PRKG1: variants seen among roughly 807,000 people sequenced by gnomAD.
PRKG1 encodes the protein protein kinase cGMP-dependent 1.
PRKG1 carries 35 observed loss-of-function variants against 88.1 expected under a neutral mutation model. The ratio of observed to expected loss-of-function variants is 0.40; its 90% CI spans 0.30 to 0.53. PRKG1 has a LOEUF of 0.53. PRKG1 is among the 20% of genes least tolerant of loss of function. PRKG1 has a pLI of 0.59. For synonymous variants in PRKG1, 303 were observed against 292.5 expected (o/e 1.04, Z -0.37); for missense variants, 540 against 839.8 (o/e 0.64, Z 4.41).
At chr10:51,068,223 A>G (rs566794491) in intron 1 of PRKG1, among the ~76,000 whole-genome samples, 1 of 152,158 alleles carries the variant, frequency 6.6e-6, no homozygotes, top group Admixed American at 6.5e-5. Flanking sequence ...AAAAGTCACA[A>G]TTTGAAGATT....
intron 3 of PRKG1, among the ~76,000 whole-genome samples, chr10:51,693,543 T>C (rs941822787): frequency 5.9e-5 from 9 of 151,802 alleles, no homozygotes; most frequent in Admixed American, 3.3e-4. Flanking sequence ...CTGGGATTAC[T>C]GGGGCCTGCC....
chr10:51,666,590 A>G (rs1840428041), intron 3 of PRKG1, among the ~76,000 whole-genome samples: 2 of 152,170 alleles, frequency 1.3e-5, no homozygotes, highest in Non-Finnish European at 2.9e-5. Flanking sequence ...CATAAATGCT[A>G]CTTACCCTTG....
chr10:51,965,435 C>G (rs867409821), intron 5 of PRKG1, among the ~76,000 whole-genome samples: 3 of 152,130 alleles, frequency 2.0e-5, no homozygotes, highest in African/African-American at 4.8e-5. Flanking sequence ...ATGGAAAGCT[C>G]AAATTGTATG....
Position 51,684,034 on chromosome 10 carries a change from A to G in PRKG1, c.593-120551A>G, listed in dbSNP as rs376361131. On this transcript the variant is annotated intron_variant, in intron 3 of 17. Transcript: ENST00000373980. Reference sequence around the variant, plus strand: ...ATGTAGCAATTCTACTCCTAGGTATATACCCAAGAGAAATGAAAACATATG... The same window carrying G: ...ATGTAGCAATTCTACTCCTAGGTATGTACCCAAGAGAAATGAAAACATATG... Among the ~76,000 whole-genome samples the G allele has an allele frequency of 4.8e-4, 73 of 152,334 alleles. No homozygotes were observed. In the East Asian group the frequency reaches 8.7e-3, roughly 18 times the overall value.
chr10:51,712,279 G>A (rs779191323), intron 3 of PRKG1, among the ~76,000 whole-genome samples: 1 of 152,122 alleles, frequency 6.6e-6, no homozygotes, highest in Non-Finnish European at 1.5e-5. Flanking sequence ...CTCTTACATG[G>A]TCTTATGACT....
At position 51,651,775 on chromosome 10, in the gene PRKG1, G is replaced by C. The variant is rs147955560; in HGVS notation, c.593-152810G>C. Among the ~76,000 whole-genome samples the C allele has an allele frequency of 1.3e-3, 196 of 151,918 alleles. 2 individuals are homozygous for C. In the East Asian group the frequency reaches 0.027, roughly 21 times the overall value. On this transcript the variant is annotated intron_variant, in intron 3 of 17. Coordinates refer to ENST00000373980, the MANE Select transcript of PRKG1 (RefSeq NM_006258.4). ...ATTTTTGTGTTTTTAGTAAAGACAG[G>C]GTTTCACCATGTTGGCCGGAATTGT...
intron 8 of PRKG1, among the ~76,000 whole-genome samples, chr10:52,153,727 T>C (rs1046020117): frequency 3.3e-5 from 5 of 152,126 alleles, no homozygotes; most frequent in Non-Finnish European, 7.4e-5. Context: ...TGCAAAAATT[T>C]ATTTTTATTT....
At chr10:51,811,491 G>A (rs1839454766) in intron 4 of PRKG1, among the ~76,000 whole-genome samples, 1 of 151,998 alleles carries the variant, frequency 6.6e-6, no homozygotes, top group African/African-American at 2.4e-5. Context: ...AGAGTTTGTT[G>A]AGTAGAATAT....
intron 1 of PRKG1, among the ~76,000 whole-genome samples, chr10:51,030,445 T>G (rs895749151): frequency 1.3e-5 from 2 of 152,188 alleles, no homozygotes; most frequent in African/African-American, 4.8e-5. Context: ...ACTACTTGTC[T>G]GTTAGAATTT....
intron 3 of PRKG1, among the ~76,000 whole-genome samples, chr10:51,562,124 T>C (rs1336504011): frequency 6.6e-6 from 1 of 151,660 alleles, no homozygotes; most frequent in Non-Finnish European, 1.5e-5. Flanking sequence ...CTCAGGAGGC[T>C]GAGGCAGGAG....
intron 2 of PRKG1, among the ~76,000 whole-genome samples, chr10:51,181,201 G>T (rs1589224763): frequency 6.9e-6 from 1 of 144,572 alleles, no homozygotes; most frequent in African/African-American, 2.6e-5. Context: ...TGCAAATAAA[G>T]CTGACCAAGA....
chr10:51,148,977 C>G (rs547575992), intron 1 of PRKG1, among the ~76,000 whole-genome samples: 1 of 152,150 alleles, frequency 6.6e-6, no homozygotes, highest in East Asian at 1.9e-4. Flanking sequence ...GAAACCCATC[C>G]CCTGCCTACC....
At chr10:51,337,488 G>A (rs1036557399) in intron 2 of PRKG1, among the ~76,000 whole-genome samples, 3 of 152,044 alleles carry the variant, frequency 2.0e-5, no homozygotes, top group African/African-American at 7.2e-5. Flanking sequence ...TACAGAGTGG[G>A]AGAAAATTTT....
chr10:51,121,934 G>C (rs1480737491), intron 1 of PRKG1, among the ~76,000 whole-genome samples: 4 of 152,196 alleles, frequency 2.6e-5, no homozygotes. Context: ...TGCATTTAAT[G>C]TTCTCTGTTG....
chr10:51,766,342 T>A (rs1251897835), intron 3 of PRKG1, among the ~76,000 whole-genome samples: 1 of 152,140 alleles, frequency 6.6e-6, no homozygotes, highest in Non-Finnish European at 1.5e-5. Context: ...CTTGAGTTAG[T>A]TGCTCCATAT....
chr10:51,967,339 C>T (rs1017065065), intron 5 of PRKG1, among the ~76,000 whole-genome samples: 4 of 152,006 alleles, frequency 2.6e-5, no homozygotes, highest in African/African-American at 7.3e-5. Flanking sequence ...CATGTTCTCA[C>T]TCATAGGTGG....
Position 51,455,925 on chromosome 10 carries a change from CGTTTTTGG to C in PRKG1, c.479-11795_479-11788del, listed in dbSNP as rs1362647896. 9.2e-5 allele frequency among the ~76,000 whole-genome samples: 14 copies of C among 152,162 alleles called. No individual in the cohort carries two copies. The East Asian group carries it at 2.7e-3, about 29-fold the overall frequency. On this transcript the variant is annotated intron_variant, in intron 2 of 17. Coordinates refer to ENST00000373980, the MANE Select transcript of PRKG1 (RefSeq NM_006258.4). The stretch of plus-strand genomic sequence containing the variant: ...TTACCCAATTTGAAAGTCACTTCCA[CGTTTTTGG>C]GTATCTTTACAGCAGCACCCAACTC...
chr10:51,293,386 A>G (rs368660446), intron 2 of PRKG1, among the ~76,000 whole-genome samples: 1 of 152,102 alleles, frequency 6.6e-6, no homozygotes, highest in South Asian at 2.1e-4. Flanking sequence ...CCCCCTGTTA[A>G]CCAGCTCCTG....
intron 3 of PRKG1, among the ~76,000 whole-genome samples, chr10:51,716,285 C>T (rs1016761199): frequency 1.3e-5 from 2 of 152,170 alleles, no homozygotes; most frequent in Non-Finnish European, 2.9e-5. Flanking sequence ...TACAGTCCGT[C>T]ACCCCTGTTT....
Sources: allele counts gnomAD v4.1 joint callset (sites outside exome capture counted in the v4.1 genomes callset), GRCh38; gene constraint gnomAD v4.1.1; transcripts MANE v1.5; gene names NCBI Gene and HGNC (gene_info 2026-07-23, HGNC 2026-07-21).